CNTNAP2: variants seen among roughly 807,000 people sequenced by gnomAD.
CNTNAP2 encodes the protein contactin-associated protein-like 2.
In CNTNAP2, 98 loss-of-function variants were observed where a neutral mutation model predicts 155.2. That is an observed-to-expected ratio of 0.63 (90% CI 0.54 to 0.75). The LOEUF is 0.75. Among genes scored for constraint, CNTNAP2 ranks in the 30% least tolerant of loss-of-function variants. The pLI, the probability that CNTNAP2 is intolerant of heterozygous loss-of-function variation, is 0.00. For missense variants in CNTNAP2, 1,727 were observed against 1,688.1 expected, an observed-to-expected ratio of 1.02 and a Z score of -0.40; for synonymous variants, 651 against 631.2, an observed-to-expected ratio of 1.03 and a Z score of -0.47.
At chr7:148,368,240 A>C (rs1225316240) in intron 21 of CNTNAP2, among the ~76,000 whole-genome samples, 2 of 152,160 alleles carry the variant, frequency 1.3e-5, no homozygotes. Flanking sequence ...ATCTTCAGTT[A>C]AAGTGGATTA....
intron 16 of CNTNAP2, among the ~76,000 whole-genome samples, chr7:148,142,369 T>A (rs73744757): frequency 1.0e-3 from 152 of 152,248 alleles, no homozygotes; most frequent in African/African-American, 3.6e-3. Context: ...TATCTTCTGA[T>A]GTACAGTTAG....
At chr7:146,251,257 G>A (rs1799752219) in intron 1 of CNTNAP2, among the ~76,000 whole-genome samples, 1 of 151,878 alleles carries the variant, frequency 6.6e-6, no homozygotes, top group Admixed American at 6.6e-5. Context: ...CTTTTAAAAG[G>A]TTCATTTTTG....
intron 6 of CNTNAP2, among the ~76,000 whole-genome samples, chr7:147,125,206 G>A (rs1227579721): frequency 1.3e-5 from 2 of 151,926 alleles, no homozygotes; most frequent in Non-Finnish European, 2.9e-5. Context: ...TAGTATAGAT[G>A]GGGTTTCACC....
At chr7:146,956,302 G>A (rs188131350) in intron 3 of CNTNAP2, among the ~76,000 whole-genome samples, 20 of 152,222 alleles carry the variant, frequency 1.3e-4, no homozygotes, top group East Asian at 3.9e-4. Context: ...AAATGGTTGC[G>A]TAAGTATCTA....
At chr7:146,965,911 T>C (rs1351689577) in intron 3 of CNTNAP2, among the ~76,000 whole-genome samples, 1 of 152,158 alleles carries the variant, frequency 6.6e-6, no homozygotes, top group Admixed American at 6.5e-5. Flanking sequence ...AGAACTTCAA[T>C]CTTCCAGGTA....
At chr7:146,344,022 T>A (rs1487507305) in intron 1 of CNTNAP2, among the ~76,000 whole-genome samples, 1 of 152,058 alleles carries the variant, frequency 6.6e-6, no homozygotes, top group Non-Finnish European at 1.5e-5. Flanking sequence ...TCATAAAAAA[T>A]TATAAATGAC....
At chr7:147,258,544 C>T (rs1311148549) in intron 8 of CNTNAP2, among the ~76,000 whole-genome samples, 3 of 152,074 alleles carry the variant, frequency 2.0e-5, no homozygotes, top group African/African-American at 7.2e-5. Context: ...TTCTCCCGTA[C>T]TTGAAGAAAT....
chr7:148,254,586 C>A (rs887483786), intron 20 of CNTNAP2, among the ~76,000 whole-genome samples: 3 of 152,040 alleles, frequency 2.0e-5, no homozygotes, highest in African/African-American at 7.3e-5. Context: ...ACCATCCTGG[C>A]TAACACGGTG....
chr7:146,405,331 A>G (rs1425226468), intron 1 of CNTNAP2, among the ~76,000 whole-genome samples: 1 of 152,162 alleles, frequency 6.6e-6, no homozygotes, highest in Admixed American at 6.5e-5. Context: ...ACATTATGAA[A>G]CTGTAAGTTC....
chr7:146,935,360 T>G (rs1255272566), intron 3 of CNTNAP2, among the ~76,000 whole-genome samples: 1 of 152,224 alleles, frequency 6.6e-6, no homozygotes, highest in Non-Finnish European at 1.5e-5. Context: ...TAACCTTATA[T>G]TTTGATAGAT....
intron 8 of CNTNAP2, among the ~76,000 whole-genome samples, chr7:147,248,591 G>T (rs769505681): frequency 7.9e-5 from 12 of 152,190 alleles, no homozygotes; most frequent in Non-Finnish European, 1.8e-4. Flanking sequence ...GCCGGTGGCT[G>T]TCATGGCAGT....
At chr7:147,611,207 T>A (rs1801178316) in intron 12 of CNTNAP2, among the ~76,000 whole-genome samples, 1 of 152,146 alleles carries the variant, frequency 6.6e-6, no homozygotes, top group South Asian at 2.1e-4. Flanking sequence ...CAAGATGACA[T>A]TTACTTAGCC....
rs547466564 is a variant in CNTNAP2, at chr7:146,979,103, A to G, written c.403-64804A>G. ...AGTCCAAACACCTGAGAATCAAGTG[A>G]CTTTCCCCCAGTATTGATTTTGTTA... is the stretch of plus-strand genomic sequence containing the variant. On this transcript the variant is annotated intron_variant, in intron 3 of 23. Transcript: ENST00000361727. Among the ~76,000 whole-genome samples the G allele has an allele frequency of 5.3e-5, 8 of 152,232 alleles. No homozygotes were observed. In the East Asian group the frequency reaches 1.4e-3, roughly 26 times the overall value.
At chr7:147,201,137 CAG>C (rs1802914275) in intron 8 of CNTNAP2, among the ~76,000 whole-genome samples, 1 of 152,114 alleles carries the variant, frequency 6.6e-6, no homozygotes, top group Non-Finnish European at 1.5e-5. Context: ...TTTTGAGGGT[CAG>C]AGAGAGGCCT....
At chr7:147,449,954 CT>C (rs1797802902) in intron 10 of CNTNAP2, among the ~76,000 whole-genome samples, 1 of 152,168 alleles carries the variant, frequency 6.6e-6, no homozygotes, top group Admixed American at 6.5e-5. Flanking sequence ...GTGGTTACCA[CT>C]TCGGGACATC....
At chr7:146,852,253 G>A (rs1490380882) in intron 3 of CNTNAP2, among the ~76,000 whole-genome samples, 3 of 152,030 alleles carry the variant, frequency 2.0e-5, no homozygotes, top group Admixed American at 6.6e-5. Flanking sequence ...GGGTGTGTCT[G>A]GTAAGTAAGA....
At chr7:147,970,766 G>GA (rs1319087207) in intron 14 of CNTNAP2, among the ~76,000 whole-genome samples, 1 of 152,132 alleles carries the variant, frequency 6.6e-6, no homozygotes, top group Admixed American at 6.5e-5. Context: ...GCTTGTCCTG[G>GA]AAAAACCAAG....
intron 10 of CNTNAP2, among the ~76,000 whole-genome samples, chr7:147,421,960 G>A (rs189127527): frequency 1.2e-3 from 177 of 151,876 alleles, no homozygotes; most frequent in Middle Eastern, 6.9e-3. Context: ...AGCAGATGCC[G>A]TCAACATGTT....
chr7:146,161,136 G>A (rs1798215303), intron 1 of CNTNAP2, among the ~76,000 whole-genome samples: 1 of 152,140 alleles, frequency 6.6e-6, no homozygotes. Flanking sequence ...AAAGGCCTTT[G>A]ACAAAATTCA....
Sources: allele counts gnomAD v4.1 joint callset (sites outside exome capture counted in the v4.1 genomes callset), GRCh38; gene constraint gnomAD v4.1.1; transcripts MANE v1.5; gene names NCBI Gene and HGNC (gene_info 2026-07-23, HGNC 2026-07-21).